RAB27B: variants seen among roughly 807,000 people sequenced by gnomAD.
RAB27B encodes the protein ras-related protein Rab-27B.
RAB27B carries 15 observed loss-of-function variants against 24.6 expected under a neutral mutation model. That is an observed-to-expected ratio of 0.61 (90% CI 0.41 to 0.94). The LOEUF is 0.94. Among genes scored for constraint, RAB27B ranks in the 40% least tolerant of loss-of-function variants. The pLI is 0.00. For synonymous variants in RAB27B, 105 were observed against 92.5 expected, an observed-to-expected ratio of 1.14 and a Z score of -0.78; for missense variants, 261 against 266.8, an observed-to-expected ratio of 0.98 and a Z score of 0.15.
rs563461559 is a variant in RAB27B at position 54,799,827 on chromosome 18, A to G, written c.-19-77740A>G. Among the ~76,000 whole-genome samples the G allele has an allele frequency of 2.4e-4, 37 of 151,948 alleles. No individual in the cohort carries two copies. The South Asian group carries it at 7.7e-3, about 32-fold the overall frequency. On this transcript the variant is annotated intron_variant, in intron 2 of 4. Coordinates refer to the RAB27B transcript ENST00000586570. ...CTATTTTTAGTAGAGACGGGGTTTC[A>G]CCCGTGTTAGCCAGGATAGTCTGTT...
chr18:54,754,383 ATCTT>A (rs1487531976), intron 2 of RAB27B, among the ~76,000 whole-genome samples: 1 of 152,200 alleles, frequency 6.6e-6, no homozygotes, highest in African/African-American at 2.4e-5. Context: ...CTCAGGTAGT[ATCTT>A]TATAGCGGTG....
intron 1 of RAB27B, among the ~76,000 whole-genome samples, chr18:54,836,094 C>G (rs1910883011): frequency 6.6e-6 from 1 of 151,948 alleles, no homozygotes; most frequent in African/African-American, 2.4e-5. Context: ...GTACACCAAC[C>G]TGCAGGCTTT....
chr18:54,725,597 G>A (rs1909510651), intron 2 of RAB27B, among the ~76,000 whole-genome samples: 2 of 151,370 alleles, frequency 1.3e-5, no homozygotes, highest in South Asian at 4.2e-4. Context: ...GGCATGGCAC[G>A]GGAGGCCTCA....
At chr18:54,879,325 C>G in intron 2 of RAB27B, 44 bp from the exon 3 acceptor site, 1 of 1,500,792 alleles carries the variant, frequency 6.7e-7, no homozygotes, top group South Asian at 1.1e-5. Context: ...TGAGTGCTGA[C>G]AAAATCCAAA....
At chr18:54,746,987 A>G (rs1910270197) in intron 2 of RAB27B, among the ~76,000 whole-genome samples, 1 of 152,204 alleles carries the variant, frequency 6.6e-6, no homozygotes, top group Non-Finnish European at 1.5e-5. Flanking sequence ...GAAAAACAGT[A>G]CAGAGATTTA....
chr18:54,825,434 G>A (rs1910440507), upstream of RAB27B, among the ~76,000 whole-genome samples: 3 of 151,810 alleles, frequency 2.0e-5, no homozygotes, highest in African/African-American at 7.2e-5. Context: ...TGCATAGAAA[G>A]AAGTCTTTTC....
chr18:54,797,666 A>C (rs1423769089), intron 2 of RAB27B, among the ~76,000 whole-genome samples: 1 of 152,208 alleles, frequency 6.6e-6, no homozygotes, highest in Non-Finnish European at 1.5e-5. Context: ...TCTGGAGTCT[A>C]ATGAGCAAAT....
rs1911952563 is a variant in RAB27B at position 54,860,102 on chromosome 18, G to A, written c.-19-17465G>A. On this transcript the variant is annotated intron_variant, in intron 1 of 5. Transcript: ENST00000262094. Reference sequence around the variant, plus strand: ...TGGGTACTTGTCAAAAGGGTTTTGTGGCTCCCTATTATTTGGCATATCAAG... The same window carrying A: ...TGGGTACTTGTCAAAAGGGTTTTGTAGCTCCCTATTATTTGGCATATCAAG... 2.0e-5 allele frequency among the ~76,000 whole-genome samples: 3 copies of A among 152,182 alleles called. No individual in the cohort carries two copies. In the South Asian group the frequency reaches 6.2e-4, roughly 32 times the overall value.
rs1282224062 is a variant in RAB27B, at chr18:54,893,706, T to C, written c.*4293T>C. On this transcript the variant is annotated 3_prime_UTR_variant, in exon 6 of 6. Transcript: ENST00000262094. Reference sequence around the variant, plus strand: ...AACTGATACAAATTTTGGTTGGATATATAGAGAATTTTATAAATGTATTGC... The same window carrying C: ...AACTGATACAAATTTTGGTTGGATACATAGAGAATTTTATAAATGTATTGC... 6.6e-6 allele frequency: 1 copy of C among 152,008 alleles called. No homozygotes were observed. Among genetic ancestry groups the C allele is most frequent in the African/African-American group, 2.4e-5 (1 of 41,434 alleles). 9.4% of individuals were successfully genotyped at this position (152,008 alleles called of 1,614,324 possible).
At chr18:54,844,025 A>G (rs2145205408) in intron 1 of RAB27B, among the ~76,000 whole-genome samples, 2 of 152,326 alleles carry the variant, frequency 1.3e-5, no homozygotes, top group South Asian at 4.1e-4. Flanking sequence ...AGGGAGGAGG[A>G]GAAGGGTGTC....
At chr18:54,797,613 A>T (rs1186930471) in intron 2 of RAB27B, among the ~76,000 whole-genome samples, 6 of 152,222 alleles carry the variant, frequency 3.9e-5, no homozygotes, top group Non-Finnish European at 1.5e-5. Flanking sequence ...ATGGTGACAG[A>T]CTAAATAAAC....
intron 2 of RAB27B, among the ~76,000 whole-genome samples, chr18:54,821,042 C>T (rs1237406857): frequency 6.6e-6 from 1 of 152,038 alleles, no homozygotes; most frequent in African/African-American, 2.4e-5. Flanking sequence ...TCATTAGTAG[C>T]TTGATGGGGA....
intron 2 of RAB27B, among the ~76,000 whole-genome samples, chr18:54,748,552 A>G (rs1030822637): frequency 2.0e-5 from 3 of 152,250 alleles, no homozygotes; most frequent in African/African-American, 7.2e-5. Context: ...GTCTCAGACT[A>G]TAGTGGGACT....
In RAB27B at chr18:54,891,160, T is replaced by C. The variant is rs1913353768; in HGVS notation, c.*1747T>C. On this transcript the variant is annotated 3_prime_UTR_variant, in exon 6 of 6. Transcript: ENST00000262094. ...TTCAGCTTACCTCTGCGAACTTCTA[T>C]CTGGTATTGAATCAGTTTCAGAAAC... 1.3e-5 allele frequency: 2 copies of C among 152,108 alleles called. No individual in the cohort carries two copies. Among genetic ancestry groups the C allele is most frequent in the Admixed American group, 6.6e-5 (1 of 15,238 alleles). 9.4% of individuals were successfully genotyped at this position (152,108 alleles called of 1,614,324 possible).
rs559386445 is a variant in RAB27B, at chr18:54,725,561, A to C, written c.-20+7420A>C. On this transcript the variant is annotated intron_variant, in intron 2 of 4. Transcript: ENST00000586570. ...CCCAAGACTGGGTAATTTATAAAGG[A>C]AAGAGGTTTAATTGCCTCACAGTTC... 5.5e-4 allele frequency among the ~76,000 whole-genome samples: 83 copies of C among 151,746 alleles called. 3 individuals carry two copies. The highest frequency in any genetic ancestry group is 2.9e-5 in the Non-Finnish European group (2 of 67,804).
intron 2 of RAB27B, among the ~76,000 whole-genome samples, chr18:54,755,837 G>A (rs1907988339): frequency 2.0e-5 from 3 of 152,214 alleles, no homozygotes; most frequent in Admixed American, 2.0e-4. Flanking sequence ...CTTGGTATCA[G>A]TGGGCAATGA....
intron 1 of RAB27B, among the ~76,000 whole-genome samples, chr18:54,850,861 A>AGTGTT (rs971462228): frequency 2.6e-5 from 4 of 151,296 alleles, no homozygotes; most frequent in African/African-American, 9.7e-5. Flanking sequence ...TCCTAAAGAG[A>AGTGTT]GTGTTGTGTT....
At chr18:54,849,793 A>C (rs116595302) in intron 1 of RAB27B, among the ~76,000 whole-genome samples, 1 of 152,158 alleles carries the variant, frequency 6.6e-6, no homozygotes, top group Non-Finnish European at 1.5e-5. Context: ...AGACTTTAGA[A>C]AAAACCTTTT....
chr18:54,849,409 G>T (rs1911465056), intron 1 of RAB27B, among the ~76,000 whole-genome samples: 1 of 152,140 alleles, frequency 6.6e-6, no homozygotes, highest in South Asian at 2.1e-4. Flanking sequence ...CTCTGCACCA[G>T]CACCTGCACT....
Sources: allele counts gnomAD v4.1 joint callset (sites outside exome capture counted in the v4.1 genomes callset), GRCh38; gene constraint gnomAD v4.1.1; transcripts MANE v1.5; gene names NCBI Gene and HGNC (gene_info 2026-07-23, HGNC 2026-07-21).